Variants in NLRP8 observed in about 807,000 individuals in gnomAD.
NLRP8 encodes NLR family pyrin domain containing 8, also known as NACHT, LRR and PYD domains-containing protein 8.
A neutral mutation model predicts 88.7 loss-of-function variants in NLRP8; 86 were observed. The observed-to-expected ratio is 0.97, with a 90% CI of 0.81 to 1.16. NLRP8 has a LOEUF of 1.16. Ranked by LOEUF, NLRP8 falls within the 50% of genes most tolerant of loss-of-function variation. The probability of loss-of-function intolerance (pLI) is 0.00; values close to 1 mark genes in which losing one functional copy is unlikely to be tolerated. For missense variants in NLRP8, 1,342 were observed against 1,286.5 expected (o/e 1.04, Z -0.66); for synonymous variants, 504 against 494.6 (o/e 1.02, Z -0.25).
chr19:55,968,776 T>C (rs1979951516), intron 5 of NLRP8, among the ~76,000 whole-genome samples: 2 of 152,178 alleles, frequency 1.3e-5, no homozygotes, highest in African/African-American at 4.8e-5. Context: ...AATGTTTTAT[T>C]AGAAAACATT....
At chr19:55,969,009 A>C (rs1483947796) in intron 5 of NLRP8, among the ~76,000 whole-genome samples, 1 of 152,156 alleles carries the variant, frequency 6.6e-6, no homozygotes, top group East Asian at 1.9e-4. Context: ...TTTACCCAAC[A>C]GGCACTGGCA....
chr19:55,985,686 A>G (rs1980775624), intron 9 of NLRP8, among the ~76,000 whole-genome samples: 1 of 152,226 alleles, frequency 6.6e-6, no homozygotes, highest in South Asian at 2.1e-4. Flanking sequence ...CATAAATTTT[A>G]AAATGCATTC....
chr19:55,985,042 G>A (rs10426258), intron 9 of NLRP8, among the ~76,000 whole-genome samples: 1 of 152,260 alleles, frequency 6.6e-6, no homozygotes, highest in East Asian at 1.9e-4. Flanking sequence ...GGTGGCTCAC[G>A]CCTGTCATCC....
At chr19:55,965,961 C>G (rs1046967443) in intron 4 of NLRP8, among the ~76,000 whole-genome samples, 2 of 152,108 alleles carry the variant, frequency 1.3e-5, no homozygotes, top group African/African-American at 4.8e-5. Flanking sequence ...AACCCAAATG[C>G]CCATCAATGA....
chr19:55,975,662 A>T (rs1980276827), intron 7 of NLRP8, among the ~76,000 whole-genome samples: 1 of 152,232 alleles, frequency 6.6e-6, no homozygotes, highest in Non-Finnish European at 1.5e-5. Context: ...TATGGTAGAT[A>T]AAAGAAGCTA....
intron 9 of NLRP8, chr19:55,987,707 A>AG (rs1980913970): frequency 1.3e-6 from 1 of 754,150 alleles, no homozygotes; most frequent in Admixed American, 2.0e-5. Context: ...GTGAGGTGGG[A>AG]GGGGTACGGT....
At chr19:55,950,424 A>AAC (rs113284539) in intron 1 of NLRP8, among the ~76,000 whole-genome samples, 3,239 of 149,070 alleles carry the variant, frequency 0.022, 76 homozygotes, top group East Asian at 0.064. Context: ...CATCTCAAGA[A>AAC]ACACACACAC....
chr19:55,974,436 A>G (rs1980216124), intron 7 of NLRP8, among the ~76,000 whole-genome samples: 1 of 151,922 alleles, frequency 6.6e-6, no homozygotes. Flanking sequence ...TCCCTATCTT[A>G]GTGCACCTGA....
chr19:55,980,122 T>C (rs1980510957), intron 9 of NLRP8, among the ~76,000 whole-genome samples: 1 of 152,220 alleles, frequency 6.6e-6, no homozygotes, highest in East Asian at 1.9e-4. Context: ...TTTCTTCATT[T>C]CTTCACCTTT....
chr19:55,955,596 T>C lies in NLRP8; in HGVS notation c.1538T>C (p.Phe513Ser), dbSNP rs1428645525. The change falls in exon 3 of 10, where the codon TTT becomes TCT. Residue 513 changes from phenylalanine (F) to serine (S), a missense_variant. By Grantham distance (155) the Phe-to-Ser change is radical (BLOSUM62 -2). Transcript: ENST00000291971. Reference sequence around the variant, plus strand: ...TTTACCCTCGTGACTTTTCAGGAATTTTTTGCGGCCTTGTTTTATGTTCTC... The same window carrying C: ...TTTACCCTCGTGACTTTTCAGGAATCTTTTGCGGCCTTGTTTTATGTTCTC... 3.7e-6 allele frequency: 6 copies of C among 1,614,020 alleles called. No individual in the cohort carries two copies. Among genetic ancestry groups the C allele is most frequent in the Non-Finnish European group, 5.1e-6 (6 of 1,180,024 alleles).
rs750645544 is a variant in NLRP8 at position 55,966,304 on chromosome 19, G to T, written c.2305G>T (p.Val769Leu). 6 of 1,614,066 alleles carry T rather than the reference G, an allele frequency of 3.7e-6. No individual in the cohort carries two copies. In the South Asian group the frequency reaches 6.6e-5, roughly 18 times the overall value. The change falls in exon 5 of 10, where the codon GTG (valine) becomes TTG (leucine). Residue 769 changes from valine to leucine, a missense_variant. By Grantham distance (32) the Val-to-Leu change is conservative. Transcript: ENST00000291971. Reference sequence around the variant, plus strand: ...TCTGAGATACTTGGAAATACAACATGTGGAAGTGGAGTCCAAAGCTGTGAA... The same window carrying T: ...TCTGAGATACTTGGAAATACAACATTTGGAAGTGGAGTCCAAAGCTGTGAA...
intron 9 of NLRP8, among the ~76,000 whole-genome samples, chr19:55,986,445 C>G (rs563359340): frequency 0.019 from 1,109 of 58,778 alleles, 11 homozygotes; most frequent in African/African-American, 0.064. Flanking sequence ...CACATGCACT[C>G]TCTCTCTCAC....
At chr19:55,960,133 C>T (rs1040665123) in intron 3 of NLRP8, among the ~76,000 whole-genome samples, 1 of 152,134 alleles carries the variant, frequency 6.6e-6, no homozygotes, top group African/African-American at 2.4e-5. Flanking sequence ...GGGCAAAACT[C>T]TTGGTGGTCT....
intron 4 of NLRP8, 116 bp from the exon 5 acceptor site, chr19:55,966,097 G>T (rs1979824254): frequency 2.5e-6 from 2 of 809,158 alleles, no homozygotes; most frequent in East Asian, 4.9e-5. Context: ...TAAACCCCCT[G>T]AGAGTGGGAC....
intron 2 of NLRP8, 142 bp downstream of exon 2, chr19:55,952,754 T>C: frequency 1.6e-6 from 1 of 640,964 alleles, no homozygotes; most frequent in Non-Finnish European, 2.7e-6. Flanking sequence ...GGCGAAACTC[T>C]GTCTCTACTA....
At position 55,955,220 on chromosome 19, in the gene NLRP8, AT is replaced by A; in HGVS notation, c.1164del (p.Leu389SerfsTer18). ...CTTGAGTTTCGCCATGGAAAACACC[AT>A]TCTCTTCTCCATGTGCCGGGTCCCT... On this transcript the variant is annotated frameshift_variant, in exon 3 of 10. Coordinates refer to ENST00000291971, the MANE Select transcript of NLRP8 (RefSeq NM_176811.2). LOFTEE classifies it high-confidence loss of function. The A allele has an allele frequency of 6.2e-7, 1 of 1,614,118 alleles. No individual in the cohort carries two copies. The highest frequency in any genetic ancestry group is 1.7e-5 in the Admixed American group (1 of 60,012).
At chr19:55,967,723 G>T (rs1176273684) in intron 5 of NLRP8, among the ~76,000 whole-genome samples, 1 of 152,214 alleles carries the variant, frequency 6.6e-6, no homozygotes, top group Non-Finnish European at 1.5e-5. Context: ...GTGGTGGATG[G>T]CTGGATCACA....
At chr19:55,975,424 T>C (rs949729231) in intron 7 of NLRP8, among the ~76,000 whole-genome samples, 1 of 152,166 alleles carries the variant, frequency 6.6e-6, no homozygotes, top group Non-Finnish European at 1.5e-5. Context: ...GTCCTGCTAG[T>C]AGGTGTATCC....
Position 55,976,153 on chromosome 19 carries a change from C to T in NLRP8, c.2726C>T (p.Thr909Ile), listed in dbSNP as rs768754130. Residue 909 changes from threonine (T) to isoleucine (I), a missense_variant, in exon 8 of 10, where the codon ACC (threonine) becomes ATC (isoleucine). Physicochemically the swap from Thr to Ile is moderately conservative, Grantham distance 89. Transcript: ENST00000291971. ...TGCAGACTGAGAAAGTGTGACTTGA[C>T]CTTTAATTGCTGTCAGGATATGATC... The T allele has an allele frequency of 2.5e-6, 4 of 1,606,828 alleles. No homozygotes were observed. In the Admixed American group the frequency reaches 5.2e-5, roughly 21 times the overall value.
Sources: gnomAD v4.1 joint callset for allele counts (sites outside exome capture counted in the v4.1 genomes callset) on GRCh38, gnomAD v4.1.1 for gene constraint, MANE v1.5 for transcripts, NCBI Gene and HGNC (gene_info 2026-07-23, HGNC 2026-07-21) for gene names.